TAF1: variants seen among roughly 807,000 people sequenced by gnomAD.
TAF1 encodes TATA-box binding protein associated factor 1, also known as transcription initiation factor TFIID subunit 1.
TAF1 carries 2 observed loss-of-function variants against 138.5 expected under a neutral mutation model. The ratio of observed to expected loss-of-function variants is 0.01; its 90% CI spans 0.01 to 0.05. The LOEUF is 0.05. TAF1 is among the 10% of genes least tolerant of loss of function. The pLI is 1.00. For synonymous variants in TAF1, 437 were observed against 503.2 expected, an observed-to-expected ratio of 0.87 and a Z score of 1.76; for missense variants, 709 against 1,478.0, an observed-to-expected ratio of 0.48 and a Z score of 8.53.
rs1057136917 is a variant in TAF1 at position 71,428,261 on chromosome X, C to T, written c.4753+4023C>T. 1.0e-4 allele frequency among the ~76,000 whole-genome samples: 11 copies of T among 110,408 alleles called. No individual in the cohort carries two copies. In the Middle Eastern group the frequency reaches 0.014, roughly 138 times the overall value. On this transcript the variant is annotated intron_variant, in intron 32 of 37. Transcript: ENST00000423759. ...GAACTTCTGACCTTGTGAGCCACTG[C>T]GCTTGGCCAACTCAATTTTTTAGTA...
At position 71,459,571 on chromosome X, in the gene TAF1, G is replaced by A. The variant is rs760606900; in HGVS notation, c.5084G>A (p.Gly1695Asp). The change falls in exon 36 of 38, where the codon GGT (glycine) becomes GAT (aspartate). Residue 1695 changes from glycine to aspartate, a missense_variant. By Grantham distance (94) the Gly-to-Asp change is moderately conservative. Around this residue, in one of 14 missense-constraint regions of TAF1, gnomAD observed 123 missense variants for 174.7 expected, o/e 0.70. Transcript: ENST00000423759. ...ATTCAGGAAGGTGAAGATGGAGATG[G>A]TGATCTTGCAGATGAAGAGGAAGGA... Reference protein sequence around the residue: ...QVTQEGEDGDGDLADEEEGTV... With the variant: ...QVTQEGEDGDDDLADEEEGTV... 2.5e-6 allele frequency: 3 copies of A among 1,211,100 alleles called. No individual in the cohort carries two copies. The highest frequency in any genetic ancestry group is 3.0e-5 in the East Asian group (1 of 33,819).
At chrX:71,394,036 TC>T (rs2034714084) in intron 21 of TAF1, 30 bp from the exon 22 acceptor site, 1 of 1,162,047 alleles carries the variant, frequency 8.6e-7, no homozygotes, top group Admixed American at 2.7e-5. Flanking sequence ...TTTCTTTAGT[TC>T]TTTCTGCACA....
At chrX:71,368,366 G>A (rs2032729091) in intron 3 of TAF1, among the ~76,000 whole-genome samples, 196 bp downstream of exon 3, 2 of 111,605 alleles carry the variant, frequency 1.8e-5, no homozygotes, top group Admixed American at 9.6e-5. Context: ...AGTCTTAACC[G>A]TATTCATGTG....
intron 3 of TAF1, among the ~76,000 whole-genome samples, chrX:71,371,456 C>T (rs1479685574): frequency 4.5e-5 from 5 of 111,440 alleles, no homozygotes; most frequent in Non-Finnish European, 1.9e-5. Flanking sequence ...TTTGGAAACA[C>T]GGCTTGTCTA....
At chrX:71,525,640 A>G (rs962586221) in intron 13 of TAF1, among the ~76,000 whole-genome samples, 30 of 111,223 alleles carry the variant, frequency 2.7e-4, no homozygotes, top group African/African-American at 8.5e-4. Flanking sequence ...TAAAATAAAA[A>G]TAAACAAACA....
chrX:71,520,172 C>G (rs1364502505), intron 13 of TAF1, among the ~76,000 whole-genome samples: 1 of 105,481 alleles, frequency 9.5e-6, no homozygotes, highest in African/African-American at 3.5e-5. Context: ...GAGATGGAGT[C>G]TCGCTCTGTT....
chrX:71,422,322 A>AT lies in TAF1; in HGVS notation c.4453-777dup, dbSNP rs757749745. 3.7e-3 allele frequency among the ~76,000 whole-genome samples: 350 copies of AT among 94,426 alleles called. 1 individual carries two copies. Among genetic ancestry groups the AT allele is most frequent in the East Asian group, 4.5e-3 (14 of 3,097 alleles). 82.0% of individuals were successfully genotyped at this position (94,426 alleles called of 115,157 possible). On this transcript the variant is annotated intron_variant, in intron 29 of 37. Coordinates refer to ENST00000423759, the MANE Select transcript of TAF1 (RefSeq NM_004606.5). ...CATCCTTTTTGACCCTTTTACTGGA[A>AT]TTTTTTTTTTTTTTTTTTGAGACAG...
intron 32 of TAF1, among the ~76,000 whole-genome samples, chrX:71,446,306 C>G (rs149681592): frequency 1.0e-3 from 112 of 111,939 alleles, no homozygotes; most frequent in African/African-American, 3.3e-3. Flanking sequence ...AAAGGCTATA[C>G]CTGTTTGTAG....
At chrX:71,510,007 T>C (rs1390124840) in intron 13 of TAF1, among the ~76,000 whole-genome samples, 1 of 109,562 alleles carries the variant, frequency 9.1e-6, no homozygotes. Context: ...ATGATAATTT[T>C]AAAAATTAGC....
At position 71,388,683 on chromosome X, in the gene TAF1, T is replaced by C. The variant is rs2034384215; in HGVS notation, c.2570-55T>C. The C allele has an allele frequency of 8.3e-6, 10 of 1,203,440 alleles. No homozygotes were observed. In the South Asian group the frequency reaches 1.6e-4, roughly 19 times the overall value. On this transcript the variant is annotated intron_variant, in intron 16 of 37. Transcript: ENST00000423759. ...CTGTCCCTGTTGCTGTCAATAAATA[T>C]CAGGGCCTTTGGAATTCAGAATGGT... is the stretch of plus-strand genomic sequence containing the variant.
At chrX:71,483,102 TG>T (rs1396388097) in intron 13 of TAF1, among the ~76,000 whole-genome samples, 1 of 107,617 alleles carries the variant, frequency 9.3e-6, no homozygotes, top group African/African-American at 3.4e-5. Flanking sequence ...CTCTAGCAGC[TG>T]GGACTATAAA....
intron 13 of TAF1, among the ~76,000 whole-genome samples, chrX:71,480,341 G>T (rs2039049636): frequency 9.0e-6 from 1 of 111,600 alleles, no homozygotes. Flanking sequence ...GTTGCAGTGG[G>T]CTATGATCGC....
At chrX:71,390,910 A>T (rs2034521658) in intron 18 of TAF1, among the ~76,000 whole-genome samples, 1 of 109,876 alleles carries the variant, frequency 9.1e-6, no homozygotes, top group Admixed American at 9.8e-5. Flanking sequence ...CAGGAGAATC[A>T]CTTGAACCTG....
chrX:71,421,987 A>C (rs1438955159), intron 29 of TAF1, among the ~76,000 whole-genome samples: 2 of 112,173 alleles, frequency 1.8e-5, no homozygotes, highest in Admixed American at 1.9e-4. Context: ...CAAAGGCTAA[A>C]ATTAAAAAGA....
chrX:71,409,443 A>C (rs1213728182), intron 28 of TAF1, among the ~76,000 whole-genome samples: 1 of 111,481 alleles, frequency 9.0e-6, no homozygotes, highest in Admixed American at 9.6e-5. Context: ...GCTGTGTCTT[A>C]AAAAGAGGAA....
chrX:71,516,362 G>A (rs752750202), intron 13 of TAF1, among the ~76,000 whole-genome samples: 1 of 107,978 alleles, frequency 9.3e-6, no homozygotes, highest in African/African-American at 3.4e-5. Context: ...ATTAGCCACC[G>A]TGCCCAGCCT....
intron 13 of TAF1, among the ~76,000 whole-genome samples, chrX:71,523,682 C>A (rs988175098): frequency 1.8e-5 from 2 of 111,781 alleles, no homozygotes; most frequent in African/African-American, 3.2e-5. Context: ...TGACACTAAA[C>A]AGCCAGATCT....
At chrX:71,512,172 G>A (rs775029086) in intron 13 of TAF1, among the ~76,000 whole-genome samples, 2 of 110,140 alleles carry the variant, frequency 1.8e-5, no homozygotes, top group East Asian at 2.9e-4. Context: ...AAAATTAGCC[G>A]AACGTGGTGG....
chrX:71,469,173 C>CT (rs2038832488), downstream of TAF1, among the ~76,000 whole-genome samples: 1 of 110,720 alleles, frequency 9.0e-6, no homozygotes. Context: ...GGTGTGGTGG[C>CT]ATGTGCTTGT....
Sources: gnomAD v4.1 joint callset for allele counts (sites outside exome capture counted in the v4.1 genomes callset) on GRCh38, gnomAD v4.1.1 for gene constraint, gnomAD v4.1.1 regional missense constraint, MANE v1.5 for transcripts, NCBI Gene and HGNC (gene_info 2026-07-23, HGNC 2026-07-21) for gene names.